Variants in EFR3B observed in about 807,000 individuals in gnomAD.
EFR3B encodes EFR3 homolog B.
In EFR3B, 64 loss-of-function variants were observed where a neutral mutation model predicts 104.7. That is an observed-to-expected ratio of 0.61 (90% CI 0.50 to 0.75). The LOEUF (loss-of-function observed/expected upper bound fraction) is 0.75, where lower values mean the gene tolerates loss of function less well. Among genes scored for constraint, EFR3B ranks in the 30% least tolerant of loss-of-function variants. The pLI, the probability that EFR3B is intolerant of heterozygous loss-of-function variation, is 0.00. For missense variants in EFR3B, 750 were observed against 1,078.5 expected (o/e 0.70, Z 4.27); for synonymous variants, 385 against 417.9 (o/e 0.92, Z 0.96).
chr2:25,135,110 G>A (rs1416869338), intron 12 of EFR3B, among the ~76,000 whole-genome samples: 1 of 152,136 alleles, frequency 6.6e-6, no homozygotes, highest in Admixed American at 6.5e-5. Flanking sequence ...TCTTAATGAG[G>A]CATTGTGTTC....
intron 1 of EFR3B, among the ~76,000 whole-genome samples, chr2:25,077,518 T>C (rs1668669977): frequency 1.3e-5 from 2 of 152,230 alleles, no homozygotes; most frequent in Non-Finnish European, 2.9e-5. Flanking sequence ...CTTGAACTCC[T>C]GACCTCCTGA....
intron 1 of EFR3B, among the ~76,000 whole-genome samples, chr2:25,048,971 A>G (rs1022248875): frequency 6.6e-6 from 1 of 151,994 alleles, no homozygotes; most frequent in African/African-American, 2.4e-5. Flanking sequence ...ATATTGTCCA[A>G]TTGTTTTCAG....
Position 25,091,384 on chromosome 2 carries a change from T to C in EFR3B, c.67T>C (p.Phe23Leu). The change falls in exon 2 of 23, where the codon TTC becomes CTC. Residue 23 changes from phenylalanine to leucine, a missense_variant. By Grantham distance (22) the Phe-to-Leu change is conservative. Transcript: ENST00000403714. ...GTACAAAAGGCTGGTTGACAACATC[T>C]TCCCTGAGGATCCCGAGGTGGGTCA... is the stretch of plus-strand genomic sequence containing the variant. Reference protein sequence around the residue: ...PRYKRLVDNIFPEDPEDGLVK... With the variant: ...PRYKRLVDNILPEDPEDGLVK... 6.5e-7 allele frequency: 1 copy of C among 1,549,992 alleles called. No individual in the cohort carries two copies. The highest frequency in any genetic ancestry group is 8.7e-7 in the Non-Finnish European group (1 of 1,146,266).
At chr2:25,073,764 G>C (rs568820875) in intron 1 of EFR3B, among the ~76,000 whole-genome samples, 1 of 152,208 alleles carries the variant, frequency 6.6e-6, no homozygotes, top group Non-Finnish European at 1.5e-5. Context: ...GTGCCCCTTT[G>C]CTCAACAGTT....
At chr2:25,063,777 A>G (rs1047077264) in intron 1 of EFR3B, among the ~76,000 whole-genome samples, 1 of 152,240 alleles carries the variant, frequency 6.6e-6, no homozygotes, top group Non-Finnish European at 1.5e-5. Flanking sequence ...TGTGGCAGTA[A>G]CAGGGTCACC....
At chr2:25,108,916 G>T (rs1424046614) in intron 4 of EFR3B, among the ~76,000 whole-genome samples, 1 of 152,062 alleles carries the variant, frequency 6.6e-6, no homozygotes, top group Non-Finnish European at 1.5e-5. Flanking sequence ...TGAGGTGGGA[G>T]AATTGCTTGA....
chr2:25,156,030 G>A lies in EFR3B; in HGVS notation c.*1690G>A, dbSNP rs576318778. ...CAGAAGCAGGCTGTTTCTCCTCAGG[G>A]GAGGGCAGGCTTCTCAGGACGGCCT... On this transcript the variant is annotated 3_prime_UTR_variant, in exon 23 of 23. Coordinates refer to ENST00000403714, the MANE Select transcript of EFR3B (RefSeq NM_014971.2). 1 of 152,250 alleles carries A rather than the reference G, an allele frequency of 6.6e-6. No individual in the cohort carries two copies. Among genetic ancestry groups the A allele is most frequent in the African/African-American group, 2.4e-5 (1 of 41,530 alleles). 9.4% of individuals were successfully genotyped at this position (152,250 alleles called of 1,614,324 possible).
intron 4 of EFR3B, among the ~76,000 whole-genome samples, chr2:25,112,888 C>T (rs1669759613): frequency 6.6e-6 from 1 of 152,288 alleles, no homozygotes. Context: ...TCAGAAGGCA[C>T]ACCTATAGAA....
At position 25,138,985 on chromosome 2, in the gene EFR3B, G is replaced by T. The variant is rs537861654; in HGVS notation, c.1723-74G>T. On this transcript the variant is annotated intron_variant, in intron 15 of 22. Coordinates refer to ENST00000403714, the MANE Select transcript of EFR3B (RefSeq NM_014971.2). ...GCATTTCTAAAGAAGATTGGGAAGA[G>T]GTCGGGTGGAGCGTTGGCACCCAGT... 5.2e-6 allele frequency: 8 copies of T among 1,527,738 alleles called. No individual in the cohort carries two copies. In the African/African-American group the frequency reaches 9.7e-5, roughly 18 times the overall value. The allele number at this position is 1,527,738 out of a possible 1,614,324, so 94.6% of individuals were successfully genotyped here.
At chr2:25,048,418 A>G (rs988556121) in intron 1 of EFR3B, among the ~76,000 whole-genome samples, 1 of 152,212 alleles carries the variant, frequency 6.6e-6, no homozygotes, top group Non-Finnish European at 1.5e-5. Flanking sequence ...TGTCTACATA[A>G]CGGTGCACTG....
chr2:25,135,124 G>A (rs1670483969), intron 12 of EFR3B, among the ~76,000 whole-genome samples: 1 of 152,104 alleles, frequency 6.6e-6, no homozygotes, highest in African/African-American at 2.4e-5. Flanking sequence ...TGTGTTCCTG[G>A]TGGCTGTTCA....
Position 25,042,400 on chromosome 2 carries a change from C to A in EFR3B, c.7+81C>A, listed in dbSNP as rs1298745772. On this transcript the variant is annotated intron_variant, in intron 1 of 22. Transcript: ENST00000403714. The surrounding 1 kb of genome is among the most constrained non-coding windows in gnomAD (Gnocchi z 5.4). Reference sequence around the variant, plus strand: ...CCCGGCGCGGACCATTGTCCCCCTGCACGGCCCTGGCGCGGGGCCAGGCCG... The same window carrying A: ...CCCGGCGCGGACCATTGTCCCCCTGAACGGCCCTGGCGCGGGGCCAGGCCG... 1.6e-6 allele frequency: 2 copies of A among 1,228,128 alleles called. No homozygotes were observed. The highest frequency in any genetic ancestry group is 2.0e-6 in the Non-Finnish European group (2 of 984,324). The allele number at this position is 1,228,128 out of a possible 1,614,324, so 76.1% of individuals were successfully genotyped here.
chr2:25,137,239 C>T lies in EFR3B; in HGVS notation c.1561-102C>T, dbSNP rs1367194539. On this transcript the variant is annotated intron_variant, in intron 14 of 22. Coordinates refer to ENST00000403714, the MANE Select transcript of EFR3B (RefSeq NM_014971.2). The surrounding 1 kb of genome is among the most constrained non-coding windows in gnomAD (Gnocchi z 4.7). ...CCTCCCCAAGGGAGGAGGGGGCACA[C>T]AGCCATCCTGCCCCCCTTCAGATTG... 25 of 1,352,116 alleles carry T rather than the reference C, an allele frequency of 1.8e-5. No individual in the cohort carries two copies. The highest frequency in any genetic ancestry group is 2.5e-5 in the Non-Finnish European group (25 of 990,292). 83.8% of individuals were successfully genotyped at this position (1,352,116 alleles called of 1,614,324 possible). A position where few individuals can be genotyped will look rare whatever the true frequency, so the allele number is the denominator to read the frequency against.
chr2:25,105,114 G>A (rs1003879026), intron 4 of EFR3B, among the ~76,000 whole-genome samples: 3 of 151,910 alleles, frequency 2.0e-5, no homozygotes, highest in African/African-American at 7.3e-5. Context: ...AAAAGTTTAA[G>A]GTTTGCCCCT....
chr2:25,086,327 A>T (rs1668950327), intron 1 of EFR3B, among the ~76,000 whole-genome samples: 1 of 152,174 alleles, frequency 6.6e-6, no homozygotes, highest in Non-Finnish European at 1.5e-5. Context: ...TTAATTTTTT[A>T]AGAAGCTGCC....
rs999822412 is a variant in EFR3B, at chr2:25,155,295, T to A, written c.*955T>A. ...TTGTAGGAGAGTGGGGAGGGTGGGA[T>A]GAGTGGTGTTTTGGGGCTCAAGGAT... is the stretch of plus-strand genomic sequence containing the variant. On this transcript the variant is annotated 3_prime_UTR_variant, in exon 23 of 23. Coordinates refer to ENST00000403714, the MANE Select transcript of EFR3B (RefSeq NM_014971.2). 1 of 152,146 alleles carries A rather than the reference T, an allele frequency of 6.6e-6. No homozygotes were observed. 9.4% of individuals were successfully genotyped at this position (152,146 alleles called of 1,614,324 possible).
chr2:25,137,525 C>A lies in EFR3B; in HGVS notation c.1722+23C>A, dbSNP rs1208068370. 1 of 1,551,514 alleles carries A rather than the reference C, an allele frequency of 6.4e-7. No individual in the cohort carries two copies. The highest frequency in any genetic ancestry group is 8.7e-7 in the Non-Finnish European group (1 of 1,146,868). ...CAGGTGGGGCCTGGTGTGCGCAGGGCATGGGGCTTGGGATCAGGGGAGGGA... is the reference window on the plus strand; with the variant it reads ...CAGGTGGGGCCTGGTGTGCGCAGGGAATGGGGCTTGGGATCAGGGGAGGGA... On this transcript the variant is annotated intron_variant, in intron 15 of 22. Transcript: ENST00000403714. This position sits in a 1 kb window ranked among gnomAD's most constrained non-coding sequence, Gnocchi z 4.7.
chr2:25,060,155 C>T (rs1166060430), intron 1 of EFR3B, among the ~76,000 whole-genome samples: 2 of 152,086 alleles, frequency 1.3e-5, no homozygotes, highest in Non-Finnish European at 2.9e-5. Flanking sequence ...GAGATCACGC[C>T]ATTGCACTCC....
Position 25,070,529 on chromosome 2 carries a change from C to A in EFR3B, c.8-20796C>A, listed in dbSNP as rs941192470. Among the ~76,000 whole-genome samples, 3 of 152,192 alleles carry A rather than the reference C, an allele frequency of 2.0e-5. No individual in the cohort carries two copies. The South Asian group carries it at 6.2e-4, about 32-fold the overall frequency. Reference sequence around the variant, plus strand: ...CCACCTGCCTCAGCCTCCCAAAGTGCTAGGATTACAGGCGTGAGCCACCGC... The same window carrying A: ...CCACCTGCCTCAGCCTCCCAAAGTGATAGGATTACAGGCGTGAGCCACCGC... On this transcript the variant is annotated intron_variant, in intron 1 of 22. Transcript: ENST00000403714.
Sources: gnomAD v4.1 joint callset for allele counts (sites outside exome capture counted in the v4.1 genomes callset) on GRCh38, gnomAD v4.1.1 for gene constraint, Gnocchi (gnomAD v3.1) non-coding constraint, MANE v1.5 for transcripts, NCBI Gene and HGNC (gene_info 2026-07-23, HGNC 2026-07-21) for gene names.